Variants in SMARCA5 observed in about 807,000 individuals in gnomAD.
SMARCA5 encodes SWI/SNF-related matrix-associated actin-dependent regulator of chromatin subfamily A member 5.
Under a neutral mutation model 140.4 loss-of-function variants are expected in SMARCA5, and 18 were observed. That is an observed-to-expected ratio of 0.13 (90% CI 0.09 to 0.19). SMARCA5 has a LOEUF of 0.19. Among genes scored for constraint, SMARCA5 ranks in the 10% least tolerant of loss-of-function variants. SMARCA5 has a pLI of 1.00. For synonymous variants in SMARCA5, 449 were observed against 419.6 expected (o/e 1.07, Z -0.86); for missense variants, 606 against 1,276.8 (o/e 0.47, Z 8.01).
chr4:143,547,398 A>G lies in SMARCA5; in HGVS notation c.2667A>G (p.Glu889=). Reference sequence around the variant, plus strand: ...CAACTTTTACAGCTGTGTTTTGGGAAAGGTGCAACGAGCTCCAGGACATAG... The same window carrying G: ...CAACTTTTACAGCTGTGTTTTGGGAGAGGTGCAACGAGCTCCAGGACATAG... ...EVIEYSAVFW[E]RCNELQDIEK... Residue 889 remains glutamate (E), a synonymous_variant, in exon 21 of 24, where the codon GAA becomes GAG. Transcript: ENST00000283131. 6.3e-7 allele frequency: 1 copy of G among 1,586,292 alleles called. No individual in the cohort carries two copies. Among genetic ancestry groups the G allele is most frequent in the Non-Finnish European group, 8.6e-7 (1 of 1,158,084 alleles).
intron 1 of SMARCA5, among the ~76,000 whole-genome samples, chr4:143,516,691 G>A (rs1736847527): frequency 6.6e-6 from 1 of 150,892 alleles, no homozygotes; most frequent in South Asian, 2.1e-4. Flanking sequence ...ATATTGCCTA[G>A]CATAGATTTG....
intron 5 of SMARCA5, 130 bp downstream of exon 5, chr4:143,525,681 C>CT (rs1213311696): frequency 3.3e-6 from 2 of 611,634 alleles, no homozygotes; most frequent in Admixed American, 5.5e-5. Flanking sequence ...AGCAGCTTGC[C>CT]TTAGTTGCAT....
rs752744842 is a variant in SMARCA5, at chr4:143,514,028, G to T, written c.104G>T (p.Gly35Val). Residue 35 changes from glycine to valine, a missense_variant, in exon 1 of 24, where the codon GGC becomes GTC. By Grantham distance (109) the Gly-to-Val change is moderately radical. Transcript: ENST00000283131. ...ASGGSNSSNK[G>V]GPEGVAAQAV... The stretch of plus-strand genomic sequence containing the variant: ...GGCGGGAGCAACAGCAGCAACAAAG[G>T]CGGCCCCGAAGGCGTCGCGGCGCAG... The T allele has an allele frequency of 1.3e-6, 2 of 1,553,874 alleles. No individual in the cohort carries two copies. Among genetic ancestry groups the T allele is most frequent in the South Asian group, 1.2e-5 (1 of 86,168 alleles).
At chr4:143,526,904 A>G (rs1737085922) in intron 6 of SMARCA5, among the ~76,000 whole-genome samples, 1 of 152,136 alleles carries the variant, frequency 6.6e-6, no homozygotes, top group Non-Finnish European at 1.5e-5. Flanking sequence ...TAGAAATGGT[A>G]GAAAGCTGTA....
In SMARCA5 at chr4:143,513,844, T is replaced by C. The variant is rs751365277; in HGVS notation, c.-81T>C. 1.3e-5 allele frequency: 18 copies of C among 1,439,768 alleles called. No homozygotes were observed. The highest frequency in any genetic ancestry group is 1.7e-5 in the Non-Finnish European group (18 of 1,077,440). 89.2% of individuals were successfully genotyped at this position (1,439,768 alleles called of 1,614,324 possible). A position where few individuals can be genotyped will look rare whatever the true frequency, so the allele number is the denominator to read the frequency against. On this transcript the variant is annotated 5_prime_UTR_variant, in exon 1 of 24. Coordinates refer to ENST00000283131, the MANE Select transcript of SMARCA5 (RefSeq NM_003601.4). Reference sequence around the variant, plus strand: ...GCTCCTCCACCAGTTTATTGCGACGTAGCATCCAGGCCTAGGCCTCCCCGT... The same window carrying C: ...GCTCCTCCACCAGTTTATTGCGACGCAGCATCCAGGCCTAGGCCTCCCCGT...
chr4:143,543,226 T>C (rs536370102), intron 14 of SMARCA5, among the ~76,000 whole-genome samples: 76 of 152,342 alleles, frequency 5.0e-4, no homozygotes, highest in Admixed American at 2.4e-3. Flanking sequence ...TGAAAATTTT[T>C]CATATGCAGC....
chr4:143,530,622 A>G (rs1737165038), intron 9 of SMARCA5, 96 bp downstream of exon 9: 1 of 778,168 alleles, frequency 1.3e-6, no homozygotes, highest in African/African-American at 1.7e-5. Flanking sequence ...AAAAAACACA[A>G]TGGCTTAAGA....
At chr4:143,551,538 T>TC (rs1737640184) in intron 23 of SMARCA5, among the ~76,000 whole-genome samples, 1 of 152,174 alleles carries the variant, frequency 6.6e-6, no homozygotes, top group Non-Finnish European at 1.5e-5. Flanking sequence ...TTTGAGGACT[T>TC]AAAGTCTTTA....
intron 10 of SMARCA5, among the ~76,000 whole-genome samples, chr4:143,535,496 G>C (rs1392297985): frequency 2.6e-5 from 4 of 152,110 alleles, no homozygotes; most frequent in Admixed American, 2.0e-4. Flanking sequence ...TTTGGTTAAA[G>C]GACTTAATAT....
chr4:143,525,066 G>T (rs556558604), intron 4 of SMARCA5, among the ~76,000 whole-genome samples: 6 of 145,594 alleles, frequency 4.1e-5, no homozygotes, highest in African/African-American at 1.0e-4. Flanking sequence ...TTTTTTACTA[G>T]AAAGAAAATA....
rs1737534799 is a variant in SMARCA5, at chr4:143,546,849, T to C, written c.2594T>C (p.Ile865Thr). 2.5e-6 allele frequency: 4 copies of C among 1,612,574 alleles called. No homozygotes were observed. Among genetic ancestry groups the C allele is most frequent in the South Asian group, 1.1e-5 (1 of 91,028 alleles). ...KANEKWGRDD[I>T]ENIAREVEGK... ...AATGAGAAGTGGGGTCGTGATGATA[T>C]TGAAAATATAGCAAGAGAAGTAGAA... Residue 865 changes from isoleucine to threonine, a missense_variant, in exon 20 of 24, where the codon ATT becomes ACT. By Grantham distance (89) the Ile-to-Thr change is moderately conservative. Transcript: ENST00000283131.
At chr4:143,523,247 G>A (rs369996743) in intron 3 of SMARCA5, among the ~76,000 whole-genome samples, 7 of 151,948 alleles carry the variant, frequency 4.6e-5, no homozygotes, top group Admixed American at 4.6e-4. Flanking sequence ...GGCTAGTCTC[G>A]AACTTCTGAC....
intron 14 of SMARCA5, among the ~76,000 whole-genome samples, chr4:143,543,301 T>G (rs779684501): frequency 1.3e-5 from 2 of 152,150 alleles, no homozygotes; most frequent in African/African-American, 4.8e-5. Flanking sequence ...ATACATAAGG[T>G]TTAGGAATGT....
At chr4:143,553,097 T>C (rs1356378283) in intron 23 of SMARCA5, 22 bp from the exon 24 acceptor site, 6 of 1,593,246 alleles carry the variant, frequency 3.8e-6, no homozygotes, top group Non-Finnish European at 5.2e-6. Context: ...TTGTGAAAAG[T>C]AATCCTTCTG....
intron 5 of SMARCA5, among the ~76,000 whole-genome samples, chr4:143,525,920 CT>C (rs1231979316): frequency 6.6e-6 from 1 of 152,076 alleles, no homozygotes; most frequent in African/African-American, 2.4e-5. Context: ...CTTTTGTTAA[CT>C]ACTAGTTATG....
At chr4:143,551,017 T>TCAACC (rs1737630549) in intron 23 of SMARCA5, among the ~76,000 whole-genome samples, 1 of 152,242 alleles carries the variant, frequency 6.6e-6, no homozygotes, top group East Asian at 1.9e-4. Flanking sequence ...CTAATTTGCG[T>TCAACC]TCCCACCAAA....
At position 143,555,796 on chromosome 4, in the gene SMARCA5, C is replaced by G. The variant is rs1737735535; in HGVS notation, c.*2612C>G. ...TCCCAAGTAGCTAGGACTACAGATA[C>G]CACGCCCAGCTAAGTTTTTTTAGTT... On this transcript the variant is annotated 3_prime_UTR_variant, in exon 24 of 24. Coordinates refer to ENST00000283131, the MANE Select transcript of SMARCA5 (RefSeq NM_003601.4). 6.4e-6 allele frequency: 1 copy of G among 156,262 alleles called. No individual in the cohort carries two copies. Among genetic ancestry groups the G allele is most frequent in the Non-Finnish European group, 1.4e-5 (1 of 71,252 alleles). The allele number at this position is 156,262 out of a possible 1,614,324, so 9.7% of individuals were successfully genotyped here.
At chr4:143,547,310 C>A in intron 20 of SMARCA5, 75 bp from the exon 21 acceptor site, 1 of 761,424 alleles carries the variant, frequency 1.3e-6, no homozygotes, top group Non-Finnish European at 2.2e-6. Flanking sequence ...GATAAATAAT[C>A]CAGTTGATCC....
intron 9 of SMARCA5, among the ~76,000 whole-genome samples, chr4:143,531,294 A>G (rs913775569): frequency 2.0e-5 from 3 of 152,214 alleles, no homozygotes; most frequent in Admixed American, 2.0e-4. Flanking sequence ...TGCTTGCTGT[A>G]TAGCTTTGTT....
Sources: gnomAD v4.1 joint callset for allele counts (sites outside exome capture counted in the v4.1 genomes callset) on GRCh38, gnomAD v4.1.1 for gene constraint, MANE v1.5 for transcripts, NCBI Gene and HGNC (gene_info 2026-07-23, HGNC 2026-07-21) for gene names.